The following CNOT4 variants were observed in gnomAD, a reference collection of about 807,000 sequenced individuals.
CNOT4 encodes the protein CCR4-NOT transcription complex subunit 4, also known as CCR4-associated factor 4.
Under a neutral mutation model 73.8 loss-of-function variants are expected in CNOT4, and 8 were observed. The ratio of observed to expected loss-of-function variants is 0.11; its 90% CI spans 0.06 to 0.20. The LOEUF (loss-of-function observed/expected upper bound fraction) is 0.20, where lower values mean the gene tolerates loss of function less well. CNOT4 is among the 10% of genes least tolerant of loss of function. The pLI is 1.00. For synonymous variants in CNOT4, 293 were observed against 321.1 expected (o/e 0.91, Z 0.94); for missense variants, 564 against 883.4 (o/e 0.64, Z 4.58).
intron 10 of CNOT4, chr7:135,386,939 T>G (rs1456333681): frequency 3.4e-6 from 1 of 292,350 alleles, no homozygotes; most frequent in Non-Finnish European, 5.1e-6. Context: ...TGCTATGGCT[T>G]TGTAAGAAGA....
chr7:135,414,908 T>C (rs747226211), intron 4 of CNOT4, among the ~76,000 whole-genome samples: 2 of 152,046 alleles, frequency 1.3e-5, no homozygotes, highest in Non-Finnish European at 2.9e-5. Context: ...CTCATCTATT[T>C]ATCACATTGC....
intron 2 of CNOT4, among the ~76,000 whole-genome samples, chr7:135,425,095 C>CA (rs1432793044): frequency 2.6e-5 from 4 of 152,162 alleles, no homozygotes; most frequent in Non-Finnish European, 4.4e-5. Context: ...GAACATATGA[C>CA]ACAAGCAAAA....
Position 135,393,898 on chromosome 7 carries a change from A to C in CNOT4, c.1627+20T>G. ...AATATGAGTTATTCAAAAATTCTCAAAGGTTTTAAATGAACCTACCTGCTA... is the reference window on the plus strand; with the variant it reads ...AATATGAGTTATTCAAAAATTCTCACAGGTTTTAAATGAACCTACCTGCTA... On this transcript the variant is annotated intron_variant, in intron 10 of 11. Coordinates refer to ENST00000541284, the MANE Select transcript of CNOT4 (RefSeq NM_001190850.2). 6.4e-7 allele frequency: 1 copy of C among 1,554,042 alleles called. No homozygotes were observed. The highest frequency in any genetic ancestry group is 8.7e-7 in the Non-Finnish European group (1 of 1,148,440).
intron 7 of CNOT4, among the ~76,000 whole-genome samples, chr7:135,406,314 C>A (rs1386544172): frequency 2.5e-5 from 3 of 119,598 alleles, no homozygotes; most frequent in Non-Finnish European, 3.4e-5. Context: ...ACCCTCCCCC[C>A]CAAAAAAAGT....
At chr7:135,377,657 G>C (rs888251488) in intron 10 of CNOT4, among the ~76,000 whole-genome samples, 1 of 152,072 alleles carries the variant, frequency 6.6e-6, no homozygotes, top group Non-Finnish European at 1.5e-5. Context: ...TGATACTCCA[G>C]AGTTTCAAAA....
intron 2 of CNOT4, among the ~76,000 whole-genome samples, chr7:135,431,188 C>A (rs1232005661): frequency 1.3e-5 from 2 of 152,186 alleles, no homozygotes; most frequent in Non-Finnish European, 2.9e-5. Context: ...CTGCTTGAGC[C>A]CAGGAGTTCT....
intron 1 of CNOT4, among the ~76,000 whole-genome samples, chr7:135,478,682 GACAGAATGA>G (rs1802154544): frequency 6.6e-6 from 1 of 152,152 alleles, no homozygotes; most frequent in Admixed American, 6.6e-5. Context: ...CAGCCTGGGT[GACAGAATGA>G]AACTCTGTCT....
At chr7:135,375,368 T>A (rs60940594) in intron 10 of CNOT4, among the ~76,000 whole-genome samples, 5,341 of 152,200 alleles carry the variant, frequency 0.035, 322 homozygotes, top group African/African-American at 0.12. Flanking sequence ...CCTAAGAAGT[T>A]CAATTGGTAA....
chr7:135,450,138 G>A (rs1456184069), intron 1 of CNOT4, among the ~76,000 whole-genome samples: 3 of 152,130 alleles, frequency 2.0e-5, no homozygotes, highest in Non-Finnish European at 4.4e-5. Context: ...TTAAGCCCAG[G>A]AGTTCAAGGC....
chr7:135,464,030 A>AAAAAAC lies in CNOT4; in HGVS notation c.-92-25608_-92-25607insGTTTTT, dbSNP rs1371686317. Among the ~76,000 whole-genome samples the AAAAAAC allele has an allele frequency of 3.3e-5, 5 of 151,460 alleles. 1 individual carries two copies. The highest frequency in any genetic ancestry group is 1.9e-4 in the East Asian group (1 of 5,168). ...ATGGCTATTATTAAAAAGTCAAAAA[A>AAAAAAC]AAAAAAAAAACAGATGGTGGCAAGG... On this transcript the variant is annotated intron_variant, in intron 1 of 11. Coordinates refer to ENST00000541284, the MANE Select transcript of CNOT4 (RefSeq NM_001190850.2).
At chr7:135,467,638 G>A (rs974093629) in intron 1 of CNOT4, among the ~76,000 whole-genome samples, 3 of 152,120 alleles carry the variant, frequency 2.0e-5, no homozygotes, top group Non-Finnish European at 2.9e-5. Context: ...TCGAGCCCAG[G>A]GGTTTGAGGA....
intron 7 of CNOT4, among the ~76,000 whole-genome samples, chr7:135,406,715 T>C (rs1351123319): frequency 6.6e-6 from 1 of 152,104 alleles, no homozygotes. Flanking sequence ...TGGGCAAAAT[T>C]AGTAAATGAG....
chr7:135,393,888 A>G (rs1796531424), intron 10 of CNOT4, 30 bp downstream of exon 10: 1 of 1,529,942 alleles, frequency 6.5e-7, no homozygotes, highest in African/African-American at 1.4e-5. Flanking sequence ...GAGTTATTCA[A>G]AAATTCTCAA....
At position 135,431,979 on chromosome 7, in the gene CNOT4, T is replaced by C. The variant is rs144813917; in HGVS notation, c.174+6179A>G. Among the ~76,000 whole-genome samples, 326 of 152,302 alleles carry C rather than the reference T, an allele frequency of 2.1e-3. 1 individual carries two copies. The highest frequency in any genetic ancestry group is 7.0e-3 in the African/African-American group (291 of 41,570). ...AAGGTAATCTCCATCAAAATCCCAG[T>C]AGGCTTTTTGTTGAAACTCACAAAC... is the stretch of plus-strand genomic sequence containing the variant. On this transcript the variant is annotated intron_variant, in intron 2 of 11. Transcript: ENST00000541284.
At chr7:135,390,275 G>A (rs2129483241) in intron 10 of CNOT4, among the ~76,000 whole-genome samples, 1 of 152,180 alleles carries the variant, frequency 6.6e-6, no homozygotes, top group African/African-American at 2.4e-5. Flanking sequence ...TGAGATCTAA[G>A]TTCTTACCCT....
At chr7:135,383,640 C>T (rs1246458486) in intron 10 of CNOT4, among the ~76,000 whole-genome samples, 2 of 152,172 alleles carry the variant, frequency 1.3e-5, no homozygotes, top group Non-Finnish European at 2.9e-5. Context: ...AGTATATAGA[C>T]GGTTACAAAA....
At chr7:135,444,694 C>T (rs1307345634) in intron 1 of CNOT4, 18 of 1,224,792 alleles carry the variant, frequency 1.5e-5, no homozygotes, top group East Asian at 6.9e-5. Flanking sequence ...GGTCTGCTTC[C>T]GGCTGCTTGT....
In CNOT4 at chr7:135,414,346, A is replaced by T; in HGVS notation, c.546T>A (p.Asp182Glu). 7.2e-7 allele frequency: 1 copy of T among 1,383,914 alleles called. No homozygotes were observed. The highest frequency in any genetic ancestry group is 1.2e-5 in the South Asian group (1 of 83,858). 85.7% of individuals were successfully genotyped at this position (1,383,914 alleles called of 1,614,324 possible). A position where few individuals can be genotyped will look rare whatever the true frequency, so the allele number is the denominator to read the frequency against. ...AIQCVNNVVV[D>E]GRTLKASLGT... The stretch of plus-strand genomic sequence containing the variant: ...ACTATATTACCTTAAGTGTTCTGCC[A>T]TCTACTACCACATTGTTGACACACT... The change falls in exon 5 of 12, where the codon GAT becomes GAA. Residue 182 changes from aspartate to glutamate, a missense_variant. Asp to Glu is a conservative substitution (Grantham distance 45). Coordinates refer to ENST00000541284, the MANE Select transcript of CNOT4 (RefSeq NM_001190850.2).
At chr7:135,406,978 G>A (rs1044785612) in intron 7 of CNOT4, among the ~76,000 whole-genome samples, 2 of 152,214 alleles carry the variant, frequency 1.3e-5, no homozygotes, top group African/African-American at 4.8e-5. Flanking sequence ...AGTGTTGAAG[G>A]TGGGGCCTGG....
Sources: allele counts gnomAD v4.1 joint callset (sites outside exome capture counted in the v4.1 genomes callset), GRCh38; gene constraint gnomAD v4.1.1; transcripts MANE v1.5; gene names NCBI Gene and HGNC (gene_info 2026-07-23, HGNC 2026-07-21).